Variants in UTP20 observed in about 807,000 individuals in gnomAD.
UTP20 encodes the protein UTP20 small subunit processome component.
UTP20 carries 164 observed loss-of-function variants against 329.5 expected under a neutral mutation model. That is an observed-to-expected ratio of 0.50 (90% CI 0.44 to 0.57). The LOEUF (loss-of-function observed/expected upper bound fraction) is 0.57, where lower values mean the gene tolerates loss of function less well. UTP20 is among the 20% of genes least tolerant of loss of function. The pLI is 0.00. For missense variants in UTP20, 3,055 were observed against 3,284.2 expected (o/e 0.93, Z 1.71); for synonymous variants, 1,151 against 1,159.3 (o/e 0.99, Z 0.14).
intron 38 of UTP20, among the ~76,000 whole-genome samples, chr12:101,347,091 G>C (rs1053251637): frequency 7.2e-5 from 11 of 152,162 alleles, no homozygotes; most frequent in African/African-American, 2.7e-4. Context: ...GAGAAGAAGT[G>C]AGGTTATATA....
In UTP20 at chr12:101,331,919, A is replaced by T. The variant is rs79983787; in HGVS notation, c.3418-1382A>T. ...TTTTTTTTAACATTCTGTGCTAGGG[A>T]AAAATCCCTTTGAGGCCCTTGTCTT... On this transcript the variant is annotated intron_variant, in intron 27 of 61. Transcript: ENST00000261637. 6.7e-3 allele frequency among the ~76,000 whole-genome samples: 1,021 copies of T among 151,928 alleles called. 10 individuals carry two copies. Among genetic ancestry groups the T allele is most frequent in the Non-Finnish European group, 0.012 (811 of 67,938 alleles).
rs751427978 is a variant in UTP20, at chr12:101,317,473, G to C, written c.2553-5G>C. On this transcript the variant is annotated splice_polypyrimidine_tract_variant and splice_region_variant and intron_variant, in intron 21 of 61. Coordinates refer to ENST00000261637, the MANE Select transcript of UTP20 (RefSeq NM_014503.3). ...CAGTATCCTGTGACTTTCTTTCCACGGTAGCAATGAGTATTACCCAGCAGA... is the reference window on the plus strand; with the variant it reads ...CAGTATCCTGTGACTTTCTTTCCACCGTAGCAATGAGTATTACCCAGCAGA... 2.6e-5 allele frequency: 42 copies of C among 1,613,150 alleles called. No homozygotes were observed. The South Asian group carries it at 4.4e-4, about 17-fold the overall frequency.
intron 38 of UTP20, among the ~76,000 whole-genome samples, chr12:101,351,714 A>G (rs918457143): frequency 1.3e-5 from 2 of 151,898 alleles, no homozygotes; most frequent in South Asian, 2.1e-4. Context: ...ACCACCGACA[A>G]TGTACTTTTG....
In UTP20 at chr12:101,281,108, C is replaced by T. The variant is rs755548549; in HGVS notation, c.46-8C>T. ...AATTATGTATCTTAAATATACTTTCCCTTCCAGTTTCTTACATTTGCTGAA... is the reference window on the plus strand; with the variant it reads ...AATTATGTATCTTAAATATACTTTCTCTTCCAGTTTCTTACATTTGCTGAA... On this transcript the variant is annotated splice_polypyrimidine_tract_variant and splice_region_variant and intron_variant, in intron 1 of 61. Coordinates refer to ENST00000261637, the MANE Select transcript of UTP20 (RefSeq NM_014503.3). 5 of 1,606,250 alleles carry T rather than the reference C, an allele frequency of 3.1e-6. No homozygotes were observed. Among genetic ancestry groups the T allele is most frequent in the African/African-American group, 2.7e-5 (2 of 74,646 alleles).
In UTP20 at chr12:101,291,960, C is replaced by A. The variant is rs771821093; in HGVS notation, c.1039-10C>A. On this transcript the variant is annotated splice_polypyrimidine_tract_variant and intron_variant, in intron 9 of 61. Coordinates refer to ENST00000261637, the MANE Select transcript of UTP20 (RefSeq NM_014503.3). ...GATTGCTGAGTATGCATTGTTTTTT[C>A]TTTTTGCAGGTGTTATCTCAAACAC... is the stretch of plus-strand genomic sequence containing the variant. The A allele has an allele frequency of 2.5e-5, 40 of 1,607,346 alleles. 1 individual carries two copies. In the South Asian group the frequency reaches 4.4e-4, roughly 18 times the overall value.
rs1868869212 is a variant in UTP20 at position 101,334,453 on chromosome 12, A to G, written c.3590A>G (p.Tyr1197Cys). 6.2e-7 allele frequency: 1 copy of G among 1,612,174 alleles called. No individual in the cohort carries two copies. Among genetic ancestry groups the G allele is most frequent in the South Asian group, 1.1e-5 (1 of 91,030 alleles). Residue 1197 changes from tyrosine (Y) to cysteine (C), a missense_variant, in exon 29 of 62, where the codon TAT becomes TGT. Transcript: ENST00000261637. Reference sequence around the variant, plus strand: ...AGCAGGCTTGGATCTGAGAGTCAATATTCTCCTACTCCTCTGCTGAAACTG... The same window carrying G: ...AGCAGGCTTGGATCTGAGAGTCAATGTTCTCCTACTCCTCTGCTGAAACTG... ...QISRLGSESQ[Y>C]SPTPLLKLIS...
At chr12:101,349,613 A>C (rs1457522457) in intron 38 of UTP20, among the ~76,000 whole-genome samples, 1 of 151,746 alleles carries the variant, frequency 6.6e-6, no homozygotes, top group Non-Finnish European at 1.5e-5. Context: ...TAATTTTATT[A>C]TATTTTTGGT....
chr12:101,291,277 G>A (rs901305166), intron 8 of UTP20: 5 of 168,144 alleles, frequency 3.0e-5, no homozygotes, highest in East Asian at 1.7e-4. Context: ...AGAATGGGCC[G>A]GGCACAGTGG....
intron 47 of UTP20, among the ~76,000 whole-genome samples, chr12:101,367,266 T>C (rs897226197): frequency 1.3e-5 from 2 of 151,986 alleles, no homozygotes; most frequent in African/African-American, 4.8e-5. Flanking sequence ...ATATGGACAA[T>C]ATAGTGAGAC....
chr12:101,347,453 G>A (rs530517590), intron 38 of UTP20, among the ~76,000 whole-genome samples: 189 of 152,156 alleles, frequency 1.2e-3, no homozygotes, highest in African/African-American at 4.2e-3. Context: ...AACCCAGGAG[G>A]CAGAGGCTGC....
intron 30 of UTP20, 106 bp downstream of exon 30, chr12:101,338,383 C>A: frequency 1.8e-6 from 2 of 1,132,960 alleles, no homozygotes; most frequent in Non-Finnish European, 2.6e-6. Context: ...AGAGCATATG[C>A]TCAGAAGTTT....
At chr12:101,294,054 G>A (rs1216770580) in intron 11 of UTP20, among the ~76,000 whole-genome samples, 1 of 150,870 alleles carries the variant, frequency 6.6e-6, no homozygotes, top group Non-Finnish European at 1.5e-5. Flanking sequence ...TTTTTTTTTA[G>A]AGACGGAGTC....
chr12:101,351,928 A>G (rs2120967633), intron 38 of UTP20, 127 bp from the exon 39 acceptor site: 1 of 1,102,832 alleles, frequency 9.1e-7, no homozygotes, highest in Non-Finnish European at 1.3e-6. Context: ...AAAAATTAGT[A>G]TAGTTTGGAC....
In UTP20 at chr12:101,386,261, G is replaced by A. The variant is rs1870832699; in HGVS notation, c.*138G>A. ...GTCTCACTCTGTCACCCAAGGTGGA[G>A]TGCAGTGACGACATCACAGCTCACT... On this transcript the variant is annotated 3_prime_UTR_variant, in exon 62 of 62. Transcript: ENST00000261637. 1.3e-6 allele frequency: 1 copy of A among 756,972 alleles called. No individual in the cohort carries two copies. The highest frequency in any genetic ancestry group is 1.9e-5 in the South Asian group (1 of 53,184). 46.9% of individuals were successfully genotyped at this position (756,972 alleles called of 1,614,324 possible).
chr12:101,330,082 C>A (rs1006052741), intron 27 of UTP20, among the ~76,000 whole-genome samples: 1 of 151,094 alleles, frequency 6.6e-6, no homozygotes, highest in African/African-American at 2.4e-5. Flanking sequence ...TAGAAGAAAT[C>A]ATGAGCATGT....
chr12:101,300,954 A>C (rs1385145702), intron 14 of UTP20, among the ~76,000 whole-genome samples: 1 of 152,172 alleles, frequency 6.6e-6, no homozygotes, highest in African/African-American at 2.4e-5. Context: ...GGGACTGGTA[A>C]AATCTTTTTG....
chr12:101,381,165 G>T lies in UTP20; in HGVS notation c.7610G>T (p.Cys2537Phe). The T allele has an allele frequency of 6.2e-7, 1 of 1,613,960 alleles. No homozygotes were observed. The highest frequency in any genetic ancestry group is 8.5e-7 in the Non-Finnish European group (1 of 1,179,840). ...ATGAAAAGTATCTCTCTCGCCTCTTGCCATCAATTGCATTCCAAATTCTTG... is the reference window on the plus strand; with the variant it reads ...ATGAAAAGTATCTCTCTCGCCTCTTTCCATCAATTGCATTCCAAATTCTTG... ...QKMKSISLASCHQLHSKFLDQ... is the reference protein window; with the variant it reads ...QKMKSISLASFHQLHSKFLDQ... The change falls in exon 58 of 62, where the codon TGC becomes TTC. Residue 2537 changes from cysteine to phenylalanine, a missense_variant. Physicochemically the swap from Cys to Phe is radical, Grantham distance 205. Around this residue, in one of 3 missense-constraint regions of UTP20, gnomAD observed 337 missense variants for 345.5 expected, o/e 0.98. Transcript: ENST00000261637.
intron 11 of UTP20, among the ~76,000 whole-genome samples, chr12:101,294,229 G>T (rs895808183): frequency 1.2e-4 from 19 of 152,116 alleles, no homozygotes; most frequent in African/African-American, 4.3e-4. Flanking sequence ...TGGAGATGGG[G>T]TTTCACCATG....
chr12:101,290,954 A>G (rs749397277), intron 8 of UTP20, 66 bp downstream of exon 8: 9 of 1,512,384 alleles, frequency 6.0e-6, no homozygotes, highest in Non-Finnish European at 6.3e-6. Context: ...TTCTGCTCTC[A>G]GTTTTGCAAA....
Sources: gnomAD v4.1 joint callset for allele counts (sites outside exome capture counted in the v4.1 genomes callset) on GRCh38, gnomAD v4.1.1 for gene constraint, gnomAD v4.1.1 regional missense constraint, MANE v1.5 for transcripts, NCBI Gene and HGNC (gene_info 2026-07-23, HGNC 2026-07-21) for gene names.